USP43: variants seen among roughly 807,000 people sequenced by gnomAD.
USP43 encodes the protein ubiquitin specific peptidase 43, also known as ubiquitin carboxyl-terminal hydrolase 43.
A neutral mutation model predicts 90.7 loss-of-function variants in USP43; 33 were observed. The observed-to-expected ratio is 0.36, with a 90% CI of 0.28 to 0.49. The LOEUF (loss-of-function observed/expected upper bound fraction) is 0.49. Among genes scored for constraint, USP43 ranks in the 20% least tolerant of loss-of-function variants. The pLI, the probability that USP43 is intolerant of heterozygous loss-of-function variation, is 0.98. For missense variants in USP43, 1,274 were observed against 1,476.4 expected (o/e 0.86, Z 2.25); for synonymous variants, 598 against 615.8 (o/e 0.97, Z 0.43).
chr17:9,728,694 G>A lies in USP43; in HGVS notation c.3076G>A (p.Val1026Met), dbSNP rs1177059115. ...VSPQVPPVSL[V>M]SGGLSPAMDG... ...TCCACAGGTGCCCCCCGTCTCCCTG[G>A]TGAGTGGCGGGCTGAGCCCTGCCAT... The change falls in exon 15 of 15, where the codon GTG (valine) becomes ATG (methionine). Residue 1026 changes from valine to methionine, a missense_variant. Val to Met is a conservative substitution (Grantham distance 21). Coordinates refer to ENST00000285199, the MANE Select transcript of USP43 (RefSeq NM_153210.5). This position sits in a 1 kb window ranked among gnomAD's most constrained non-coding sequence, Gnocchi z 6.2. 1.2e-6 allele frequency: 2 copies of A among 1,610,782 alleles called. No homozygotes were observed. Among genetic ancestry groups the A allele is most frequent in the South Asian group, 1.1e-5 (1 of 90,724 alleles).
rs1287969211 is a variant in USP43, at chr17:9,656,544, TC to T, written c.636+11del. 6.2e-7 allele frequency: 1 copy of T among 1,608,482 alleles called. No homozygotes were observed. The highest frequency in any genetic ancestry group is 1.3e-5 in the African/African-American group (1 of 74,916). On this transcript the variant is annotated intron_variant, in intron 2 of 14. Coordinates refer to ENST00000285199, the MANE Select transcript of USP43 (RefSeq NM_153210.5). ...GCCGGTGTCGGAGAAGGTCGGTCAC[TC>T]TCAAAACAACACAATGTACTGGGTT...
chr17:9,720,170 G>C (rs1391206949), intron 14 of USP43, among the ~76,000 whole-genome samples: 1 of 151,132 alleles, frequency 6.6e-6, no homozygotes, highest in South Asian at 2.1e-4. Context: ...TACTAAAAAC[G>C]CAAAAATTAG....
At chr17:9,658,465 T>C (rs904277342) in intron 2 of USP43, among the ~76,000 whole-genome samples, 20 of 152,192 alleles carry the variant, frequency 1.3e-4, no homozygotes, top group African/African-American at 4.6e-4. Flanking sequence ...GAGTCAGGAT[T>C]CAAGCCCAGG....
At chr17:9,678,157 G>C (rs1913912221) in intron 5 of USP43, among the ~76,000 whole-genome samples, 1 of 152,154 alleles carries the variant, frequency 6.6e-6, no homozygotes, top group Admixed American at 6.5e-5. Context: ...AATTAAGAGT[G>C]TGAAAAATCT....
chr17:9,673,183 A>G (rs537901091), intron 3 of USP43, among the ~76,000 whole-genome samples: 1 of 152,310 alleles, frequency 6.6e-6, no homozygotes, highest in East Asian at 1.9e-4. Context: ...GATAAGAGAA[A>G]GAAAATTGGT....
intron 8 of USP43, among the ~76,000 whole-genome samples, chr17:9,689,473 G>A (rs1427826808): frequency 6.6e-6 from 1 of 151,668 alleles, no homozygotes; most frequent in Non-Finnish European, 1.5e-5. Context: ...GTGTGGTGGT[G>A]TGATCATAGC....
At chr17:9,692,907 A>G (rs559847695) in intron 8 of USP43, among the ~76,000 whole-genome samples, 31 of 152,366 alleles carry the variant, frequency 2.0e-4, no homozygotes, top group African/African-American at 6.5e-4. Flanking sequence ...GATGTAACAT[A>G]TTAAACACAG....
intron 12 of USP43, among the ~76,000 whole-genome samples, chr17:9,704,029 T>C (rs538267130): frequency 3.6e-4 from 55 of 152,308 alleles, no homozygotes; most frequent in African/African-American, 1.3e-3. Flanking sequence ...AAGTCCTTGA[T>C]TGAAAATCAG....
chr17:9,664,494 G>C (rs77259669), intron 2 of USP43, among the ~76,000 whole-genome samples: 2,876 of 152,246 alleles, frequency 0.019, 74 homozygotes, highest in African/African-American at 0.056. Flanking sequence ...TATATAGACA[G>C]GTGCACGATG....
At chr17:9,717,734 T>C (rs1164364614) in intron 14 of USP43, among the ~76,000 whole-genome samples, 1 of 152,022 alleles carries the variant, frequency 6.6e-6, no homozygotes, top group Non-Finnish European at 1.5e-5. Flanking sequence ...TTCATGATCC[T>C]GAGCTGGAAT....
At chr17:9,727,463 G>A (rs1232744251) in intron 14 of USP43, among the ~76,000 whole-genome samples, 2 of 151,796 alleles carry the variant, frequency 1.3e-5, no homozygotes, top group African/African-American at 4.8e-5. Context: ...ATAGGTTGGT[G>A]CAAAAGTAAT....
At chr17:9,650,751 G>A (rs886530432) in intron 1 of USP43, among the ~76,000 whole-genome samples, 1 of 151,990 alleles carries the variant, frequency 6.6e-6, no homozygotes, top group South Asian at 2.1e-4. Flanking sequence ...CAATTTTCAG[G>A]TATATAATGT....
chr17:9,707,760 C>T (rs541492666), intron 12 of USP43, among the ~76,000 whole-genome samples: 3 of 151,684 alleles, frequency 2.0e-5, no homozygotes, highest in Admixed American at 1.3e-4. Context: ...TTGGAAGACA[C>T]CAAACTATAT....
At position 9,728,995 on chromosome 17, in the gene USP43, G is replaced by A. The variant is rs908500107; in HGVS notation, c.*5G>A. On this transcript the variant is annotated 3_prime_UTR_variant, in exon 15 of 15. Coordinates refer to ENST00000285199, the MANE Select transcript of USP43 (RefSeq NM_153210.5). The surrounding 1 kb of genome is among the most constrained non-coding windows in gnomAD (Gnocchi z 6.2). ...TTACCGGAGTCCAGCTTTTGATGGAGCGTGTCAGTATTGTGTGACGCTGGC... is the reference window on the plus strand; with the variant it reads ...TTACCGGAGTCCAGCTTTTGATGGAACGTGTCAGTATTGTGTGACGCTGGC... 6.4e-7 allele frequency: 1 copy of A among 1,556,578 alleles called. No individual in the cohort carries two copies. The highest frequency in any genetic ancestry group is 1.4e-5 in the African/African-American group (1 of 73,340).
At chr17:9,727,666 A>G (rs1303677826) in intron 14 of USP43, among the ~76,000 whole-genome samples, 2 of 152,298 alleles carry the variant, frequency 1.3e-5, no homozygotes, top group Non-Finnish European at 1.5e-5. Context: ...TTAAGGCTAG[A>G]TGCCCGTGAG....
In USP43 at chr17:9,709,867, C is replaced by G; in HGVS notation, c.2012-89C>G. 2.3e-6 allele frequency: 3 copies of G among 1,303,014 alleles called. No individual in the cohort carries two copies. The highest frequency in any genetic ancestry group is 3.0e-6 in the Non-Finnish European group (3 of 1,010,602). The allele number at this position is 1,303,014 out of a possible 1,614,324, so 80.7% of individuals were successfully genotyped here. ...TGTTTTTTTCTCATTCTGGTTTAAA[C>G]ATACCGCTTTTTCAGCTATGCCAGT... On this transcript the variant is annotated intron_variant, in intron 12 of 14. Coordinates refer to ENST00000285199, the MANE Select transcript of USP43 (RefSeq NM_153210.5). The surrounding 1 kb of genome is among the most constrained non-coding windows in gnomAD (Gnocchi z 5.0).
In USP43 at chr17:9,701,549, C is replaced by T; in HGVS notation, c.1860C>T (p.Ala620=). The change falls in exon 12 of 15, where the codon GCC becomes GCT. Residue 620 remains alanine (A), a synonymous_variant. Transcript: ENST00000285199. This position sits in a 1 kb window ranked among gnomAD's most constrained non-coding sequence, Gnocchi z 7.2. The stretch of plus-strand genomic sequence containing the variant: ...GACTCAACATGGCTCCCCATGTGGC[C>T]CAGAGAAGCACCAGCCCTGAGGCAG... The part of the protein sequence containing the change: ...LSGLNMAPHV[A]QRSTSPEAGL... The T allele has an allele frequency of 3.8e-6, 6 of 1,565,234 alleles. No individual in the cohort carries two copies. The highest frequency in any genetic ancestry group is 4.3e-6 in the Non-Finnish European group (5 of 1,155,298).
At position 9,691,108 on chromosome 17, in the gene USP43, AT is replaced by A. The variant is rs557338364; in HGVS notation, c.1354-2006del. Among the ~76,000 whole-genome samples the A allele has an allele frequency of 2.2e-3, 282 of 130,028 alleles. 1 individual carries two copies. Among genetic ancestry groups the A allele is most frequent in the East Asian group, 8.4e-3 (33 of 3,942 alleles). The allele number at this position is 130,028 out of a possible 152,430, so 85.3% of individuals were successfully genotyped here. On this transcript the variant is annotated intron_variant, in intron 8 of 14. Transcript: ENST00000285199. The stretch of plus-strand genomic sequence containing the variant: ...TGTAGCATATCTCAGAATTTCCTTC[AT>A]TTTTTTTTTTTTCTTTTTTTTTGAG...
At chr17:9,681,343 TATAAATAAA>T (rs1212342580) in intron 6 of USP43, among the ~76,000 whole-genome samples, 130 of 115,818 alleles carry the variant, frequency 1.1e-3, no homozygotes, top group Non-Finnish European at 1.6e-3. Context: ...TAAATATATA[TATAAATAAA>T]ATAAATAAAA....
Sources: allele counts gnomAD v4.1 joint callset (sites outside exome capture counted in the v4.1 genomes callset), GRCh38; gene constraint gnomAD v4.1.1; non-coding constraint Gnocchi (gnomAD v3.1); transcripts MANE v1.5; gene names NCBI Gene and HGNC (gene_info 2026-07-23, HGNC 2026-07-21).